ANKRD44: variants seen among roughly 807,000 people sequenced by gnomAD.
ANKRD44 encodes the protein serine/threonine-protein phosphatase 6 regulatory ankyrin repeat subunit B.
ANKRD44 carries 35 observed loss-of-function variants against 116.0 expected under a neutral mutation model. The observed-to-expected ratio is 0.30, with a 90% CI of 0.23 to 0.40. ANKRD44 has a LOEUF of 0.40. ANKRD44 is among the 10% of genes least tolerant of loss of function. ANKRD44 has a pLI of 1.00. For missense variants in ANKRD44, 1,014 were observed against 1,242.6 expected (o/e 0.82, Z 2.77); for synonymous variants, 435 against 461.8 (o/e 0.94, Z 0.74).
intron 1 of ANKRD44, among the ~76,000 whole-genome samples, chr2:197,208,100 G>A (rs1218419532): frequency 1.3e-5 from 2 of 152,158 alleles, no homozygotes; most frequent in East Asian, 3.9e-4. Flanking sequence ...TACTGTCAAT[G>A]CTCAAAGAGA....
At chr2:197,208,303 A>G (rs2081253612) in intron 1 of ANKRD44, among the ~76,000 whole-genome samples, 1 of 152,168 alleles carries the variant, frequency 6.6e-6, no homozygotes, top group African/African-American at 2.4e-5. Flanking sequence ...GTTTCTTCTT[A>G]GTTCTCAGAA....
intron 6 of ANKRD44, among the ~76,000 whole-genome samples, chr2:197,124,042 T>C (rs2078919972): frequency 6.6e-6 from 1 of 152,200 alleles, no homozygotes; most frequent in Admixed American, 6.5e-5. Flanking sequence ...CTTTGAGTCC[T>C]ATCCACACTA....
At chr2:197,049,295 G>T (rs915565177) in intron 16 of ANKRD44, among the ~76,000 whole-genome samples, 5 of 151,968 alleles carry the variant, frequency 3.3e-5, no homozygotes, top group Admixed American at 3.3e-4. Context: ...TTTTCTTCTA[G>T]GGTTTTTATG....
intron 1 of ANKRD44, among the ~76,000 whole-genome samples, chr2:197,188,410 A>T (rs762308741): frequency 3.3e-4 from 50 of 152,208 alleles, no homozygotes; most frequent in Admixed American, 3.2e-3. Flanking sequence ...AAAGAACCTG[A>T]TATGTTACTG....
intron 1 of ANKRD44, among the ~76,000 whole-genome samples, chr2:197,262,518 T>C (rs1162164431): frequency 6.6e-6 from 1 of 152,248 alleles, no homozygotes; most frequent in Non-Finnish European, 1.5e-5. Context: ...GGATTTGTGC[T>C]AACGGAAATT....
intron 26 of ANKRD44, chr2:196,994,453 CG>C (rs2075975549): frequency 1.3e-5 from 2 of 149,154 alleles, no homozygotes; most frequent in Admixed American, 6.7e-5. Context: ...CCCAAAGTGC[CG>C]GGATTATAGG....
downstream of ANKRD44, among the ~76,000 whole-genome samples, chr2:196,985,928 T>C (rs11888210): frequency 0.2 from 30,684 of 152,092 alleles, 4,093 homozygotes; most frequent in African/African-American, 0.38. Flanking sequence ...TCTTGTGTTG[T>C]TATAAAGTCC....
intron 16 of ANKRD44, among the ~76,000 whole-genome samples, chr2:197,048,777 T>C (rs1348467099): frequency 7.6e-6 from 1 of 131,076 alleles, no homozygotes; most frequent in African/African-American, 2.6e-5. Flanking sequence ...GTCTTCCACA[T>C]GGTTGAACTA....
chr2:197,197,827 A>AAAAAAAAAAAAAAAAG, intron 1 of ANKRD44, among the ~76,000 whole-genome samples: 1 of 45,158 alleles, frequency 2.2e-5, no homozygotes, highest in Non-Finnish European at 8.2e-5. Context: ...AAAAAAAAAA[A>AAAAAAAAAAAAAAAAG]AAAGAAAGAA....
Position 197,090,248 on chromosome 2 carries a change from GCCCATTACCATAGGAAT to G in ANKRD44, c.1101-233_1101-217del, listed in dbSNP as rs2078011872. On this transcript the variant is annotated intron_variant, in intron 10 of 27. Transcript: ENST00000282272. ...GCCTGAATCAAAACCATAATTAAAA[GCCCATTACCATAGGAAT>G]GTATATTTTTAAGAAAATCTGTTTC... Among the ~76,000 whole-genome samples, 6 of 152,232 alleles carry G rather than the reference GCCCATTACCATAGGAAT, an allele frequency of 3.9e-5. No individual in the cohort carries two copies. In the South Asian group the frequency reaches 8.3e-4, roughly 21 times the overall value.
intron 1 of ANKRD44, among the ~76,000 whole-genome samples, chr2:197,275,695 G>A (rs772998262): frequency 3.3e-5 from 5 of 151,938 alleles, no homozygotes; most frequent in African/African-American, 7.3e-5. Flanking sequence ...CTTTGGAACC[G>A]GGTTGGGGGC....
At chr2:197,021,107 T>G (rs1352298116) in intron 17 of ANKRD44, among the ~76,000 whole-genome samples, 1 of 152,248 alleles carries the variant, frequency 6.6e-6, no homozygotes, top group Non-Finnish European at 1.5e-5. Context: ...TTCATCCATG[T>G]CACTACAAAG....
intron 6 of ANKRD44, 82 bp downstream of exon 6, chr2:197,125,299 A>T: frequency 7.6e-7 from 1 of 1,318,308 alleles, no homozygotes; most frequent in Non-Finnish European, 1.1e-6. Flanking sequence ...AGACTGGAGA[A>T]AACCTACATG....
At chr2:196,989,703 A>G in intron 27 of ANKRD44, 54 bp from the exon 28 acceptor site, 1 of 1,546,310 alleles carries the variant, frequency 6.5e-7, no homozygotes, top group Non-Finnish European at 8.7e-7. Context: ...ATCATCAAGC[A>G]ACTGGCAATC....
rs1380870284 is a variant in ANKRD44 at position 197,088,788 on chromosome 2, G to A, written c.1184-14C>T. The A allele has an allele frequency of 6.8e-6, 11 of 1,612,466 alleles. No individual in the cohort carries two copies. Among genetic ancestry groups the A allele is most frequent in the Admixed American group, 1.7e-5 (1 of 59,898 alleles). On this transcript the variant is annotated splice_polypyrimidine_tract_variant and intron_variant, in intron 11 of 27. Coordinates refer to ENST00000282272, the MANE Select transcript of ANKRD44 (RefSeq NM_001195144.2). ...CTATTTCAAAGCCTGCAGACAGCACGTGCTCATTACTAAACAAGGATACTA... is the reference window on the plus strand; with the variant it reads ...CTATTTCAAAGCCTGCAGACAGCACATGCTCATTACTAAACAAGGATACTA...
At chr2:197,274,537 C>T (rs13422791) in intron 1 of ANKRD44, among the ~76,000 whole-genome samples, 24,846 of 152,082 alleles carry the variant, frequency 0.16, 2,261 homozygotes, top group Middle Eastern at 0.28. Flanking sequence ...CACGATGGCC[C>T]AAAGCAGGAC....
intron 16 of ANKRD44, among the ~76,000 whole-genome samples, chr2:197,067,009 C>T (rs2077448637): frequency 1.3e-5 from 2 of 152,194 alleles, no homozygotes; most frequent in South Asian, 4.1e-4. Context: ...AAGCTGGAGG[C>T]ATCATGCTAC....
At chr2:197,109,624 G>A (rs764306728) in intron 9 of ANKRD44, among the ~76,000 whole-genome samples, 2 of 152,124 alleles carry the variant, frequency 1.3e-5, no homozygotes, top group East Asian at 1.9e-4. Flanking sequence ...TATGTGGTCC[G>A]AAATTCTTAT....
At chr2:197,067,986 A>C (rs1040096772) in intron 16 of ANKRD44, among the ~76,000 whole-genome samples, 1 of 151,042 alleles carries the variant, frequency 6.6e-6, no homozygotes, top group East Asian at 2.0e-4. Context: ...GATAGACTGG[A>C]TTAAGAAAAT....
Sources: gnomAD v4.1 joint callset for allele counts (sites outside exome capture counted in the v4.1 genomes callset) on GRCh38, gnomAD v4.1.1 for gene constraint, MANE v1.5 for transcripts, NCBI Gene and HGNC (gene_info 2026-07-23, HGNC 2026-07-21) for gene names.